BTG4: variants seen among roughly 807,000 people sequenced by gnomAD.
The protein encoded by BTG4 is BTG anti-proliferation factor 4, also known as protein BTG4.
A neutral mutation model predicts 19.3 loss-of-function variants in BTG4; 10 were observed. The observed-to-expected ratio is 0.52, with a 90% confidence interval of 0.32 to 0.88. BTG4 has a LOEUF of 0.88. Among genes scored for constraint, BTG4 ranks in the 40% least tolerant of loss-of-function variants. The probability of loss-of-function intolerance (pLI) is 0.04; values close to 1 mark genes in which losing one functional copy is unlikely to be tolerated. For missense variants in BTG4, 238 were observed against 281.9 expected (o/e 0.84, Z 1.11); for synonymous variants, 91 against 95.7 (o/e 0.95, Z 0.29).
the BTG4 span, among the ~76,000 whole-genome samples, chr11:111,410,181 C>T: frequency 7.5e-6 from 1 of 133,038 alleles, no homozygotes; most frequent in South Asian, 2.2e-4. Context: ...CTTTCTGAAA[C>T]TCTTTTTTTT....
At chr11:111,406,533 T>A in the BTG4 span, among the ~76,000 whole-genome samples, 1 of 152,242 alleles carries the variant, frequency 6.6e-6, no homozygotes. Flanking sequence ...ATCATCTTTG[T>A]CATCATTTTT....
the BTG4 span, among the ~76,000 whole-genome samples, chr11:111,441,285 G>C: frequency 2.0e-5 from 3 of 152,100 alleles, no homozygotes; most frequent in East Asian, 5.8e-4. Flanking sequence ...GCTCTGGGGA[G>C]TAGGGGAGAG....
the BTG4 span, among the ~76,000 whole-genome samples, chr11:111,395,557 T>G: frequency 6.6e-6 from 1 of 152,062 alleles, no homozygotes; most frequent in Admixed American, 6.6e-5. Context: ...ACCAAAAGAG[T>G]ATGTTATGAA....
the BTG4 span, chr11:111,462,254 C>T: frequency 6.6e-6 from 1 of 152,436 alleles, no homozygotes; most frequent in Non-Finnish European, 1.5e-5. Context: ...AACAGGAGCC[C>T]CACCCAGAGC....
the BTG4 span, among the ~76,000 whole-genome samples, chr11:111,408,006 T>C: frequency 2.0e-5 from 3 of 152,336 alleles, no homozygotes; most frequent in Admixed American, 6.5e-5. Flanking sequence ...CACAGCCCAG[T>C]GCCAGGGCAA....
intron 2 of BTG4, 35 bp downstream of exon 2, chr11:111,498,569 T>C: frequency 6.4e-7 from 1 of 1,569,156 alleles, no homozygotes; most frequent in Non-Finnish European, 8.7e-7. Context: ...GCTTGGTGAT[T>C]GCTTCCCTTT....
chr11:111,510,045 G>A (rs927463348), intron 1 of BTG4, among the ~76,000 whole-genome samples: 14 of 151,090 alleles, frequency 9.3e-5, no homozygotes, highest in African/African-American at 3.4e-4. Context: ...CCAAGTAGCT[G>A]GAACTACAGG....
the BTG4 span, among the ~76,000 whole-genome samples, chr11:111,428,098 A>G: frequency 2.0e-5 from 3 of 152,226 alleles, no homozygotes; most frequent in African/African-American, 7.2e-5. Flanking sequence ...GAGCTAGGAT[A>G]AATGGTCCAA....
chr11:111,473,732 C>T (rs1279574580), intron 5 of BTG4, among the ~76,000 whole-genome samples: 1 of 152,044 alleles, frequency 6.6e-6, no homozygotes, highest in Non-Finnish European at 1.5e-5. Context: ...TAGTTTAAAG[C>T]ATAGTTTATC....
chr11:111,455,660 T>C, the BTG4 span: 1 of 368,006 alleles, frequency 2.7e-6, no homozygotes, highest in Admixed American at 2.7e-5. Flanking sequence ...TAGGGAGACA[T>C]GAAATGGGGA....
chr11:111,392,073 C>T, the BTG4 span, among the ~76,000 whole-genome samples: 2 of 151,126 alleles, frequency 1.3e-5, no homozygotes, highest in African/African-American at 4.9e-5. Flanking sequence ...GAAATAGGAC[C>T]AGAGAGATGA....
At chr11:111,501,645 T>C (rs529472274) in intron 1 of BTG4, among the ~76,000 whole-genome samples, 5 of 152,320 alleles carry the variant, frequency 3.3e-5, no homozygotes, top group Admixed American at 2.6e-4. Flanking sequence ...TTGTTGTATA[T>C]TTCAAAATAG....
At chr11:111,507,058 A>G (rs535761697) in intron 1 of BTG4, among the ~76,000 whole-genome samples, 29 of 152,198 alleles carry the variant, frequency 1.9e-4, no homozygotes, top group South Asian at 4.1e-4. Context: ...TTAACTAAAT[A>G]TAAGTTTCCC....
At chr11:111,423,159 C>T in the BTG4 span, among the ~76,000 whole-genome samples, 3 of 152,128 alleles carry the variant, frequency 2.0e-5, no homozygotes, top group Non-Finnish European at 4.4e-5. Flanking sequence ...ATAGCCCCTC[C>T]ACCCCGAGTC....
intron 1 of BTG4, among the ~76,000 whole-genome samples, chr11:111,509,472 A>C (rs2135742080): frequency 6.6e-6 from 1 of 152,124 alleles, no homozygotes; most frequent in Middle Eastern, 3.4e-3. Flanking sequence ...GGTGCGGTGG[A>C]TCGCCTGAGG....
chr11:111,476,296 C>T (rs970716131), intron 5 of BTG4, among the ~76,000 whole-genome samples: 4 of 151,986 alleles, frequency 2.6e-5, no homozygotes, highest in Non-Finnish European at 5.9e-5. Flanking sequence ...ATTCAGTGTC[C>T]ATCTGGTATT....
At chr11:111,493,557 A>G (rs989817919), downstream of BTG4, among the ~76,000 whole-genome samples, 8 of 152,142 alleles carry the variant, frequency 5.3e-5, no homozygotes, top group African/African-American at 1.4e-4. Flanking sequence ...ACCAGAATTC[A>G]CCCACACACG....
At chr11:111,412,945 AG>A in the BTG4 span, among the ~76,000 whole-genome samples, 6 of 152,060 alleles carry the variant, frequency 3.9e-5, no homozygotes, top group Non-Finnish European at 7.4e-5. Flanking sequence ...AGGTTACCTC[AG>A]GCAAATTTTA....
chr11:111,456,493 G>A, the BTG4 span: 9 of 456,322 alleles, frequency 2.0e-5, no homozygotes, highest in South Asian at 1.4e-4. This position sits in a 1 kb window ranked among gnomAD's most constrained non-coding sequence, Gnocchi z 4.2. Flanking sequence ...GGGCTGAGCA[G>A]GCAATGATTG....
Sources: gnomAD v4.1 joint callset for allele counts (sites outside exome capture counted in the v4.1 genomes callset) on GRCh38, gnomAD v4.1.1 for gene constraint, Gnocchi (gnomAD v3.1) non-coding constraint, MANE v1.5 for transcripts, NCBI Gene and HGNC (gene_info 2026-07-23, HGNC 2026-07-21) for gene names.